ODF1: variants seen among roughly 807,000 people sequenced by gnomAD.
ODF1 encodes the protein outer dense fiber of sperm tails 1.
A neutral mutation model predicts 24.0 loss-of-function variants in ODF1; 10 were observed. The observed-to-expected ratio is 0.42, with a 90% CI of 0.26 to 0.71. The LOEUF is 0.71. ODF1 is among the 30% of genes least tolerant of loss of function. ODF1 has a pLI of 0.28. For synonymous variants in ODF1, 118 were observed against 121.3 expected (o/e 0.97, Z 0.18); for missense variants, 282 against 307.9 (o/e 0.92, Z 0.63).
intron 1 of ODF1, among the ~76,000 whole-genome samples, chr8:102,554,571 A>G (rs866320009): frequency 2.0e-5 from 3 of 152,196 alleles, no homozygotes; most frequent in African/African-American, 7.2e-5. Context: ...ACAATTTCTT[A>G]ATTGATCCCA....
chr8:102,557,237 C>A (rs1402281187), intron 1 of ODF1, among the ~76,000 whole-genome samples: 1 of 152,146 alleles, frequency 6.6e-6, no homozygotes, highest in African/African-American at 2.4e-5. Context: ...TCCCTTTGCG[C>A]AGAACCCCAT....
At chr8:102,552,173 A>C (rs1826049734) in intron 1 of ODF1, 126 bp downstream of exon 1, 1 of 651,144 alleles carries the variant, frequency 1.5e-6, no homozygotes, top group Non-Finnish European at 2.5e-6. Context: ...GACCCTGGTG[A>C]CTTAGGAAAG....
chr8:102,560,634 A>G lies in ODF1; in HGVS notation c.503A>G (p.Tyr168Cys). 6.2e-7 allele frequency: 1 copy of G among 1,614,256 alleles called. No homozygotes were observed. The highest frequency in any genetic ancestry group is 8.5e-7 in the Non-Finnish European group (1 of 1,180,044). The change falls in exon 2 of 2, where the codon TAC becomes TGC. Residue 168 changes from tyrosine to cysteine, a missense_variant. By Grantham distance (194) the Tyr-to-Cys change is radical. Coordinates refer to ENST00000285402, the MANE Select transcript of ODF1 (RefSeq NM_024410.4). ...TGCCTTGGATCGAAAAAGTACAGCT[A>G]CATGAACATCTGCAAAGAGTTCAGC... is the stretch of plus-strand genomic sequence containing the variant. Reference protein sequence around the residue: ...YDCLGSKKYSYMNICKEFSLP... With the variant: ...YDCLGSKKYSCMNICKEFSLP...
chr8:102,551,841 C>G lies in ODF1; in HGVS notation c.114C>G (p.Asp38Glu). The G allele has an allele frequency of 6.2e-7, 1 of 1,614,162 alleles. No homozygotes were observed. The highest frequency in any genetic ancestry group is 8.5e-7 in the Non-Finnish European group (1 of 1,180,040). Residue 38 changes from aspartate (D) to glutamate (E), a missense_variant, in exon 1 of 2, where the codon GAC (aspartate) becomes GAG (glutamate). Coordinates refer to ENST00000285402, the MANE Select transcript of ODF1 (RefSeq NM_024410.4). ...AATTTAGCACACGGTGCCTGTGCGA[C>G]TTGTATATGCACCCCTATTGCTGCT... ...IDEFSTRCLCDLYMHPYCCCD... is the reference protein window; with the variant it reads ...IDEFSTRCLCELYMHPYCCCD...
chr8:102,557,349 A>T (rs867084086), intron 1 of ODF1, among the ~76,000 whole-genome samples: 1 of 152,198 alleles, frequency 6.6e-6, no homozygotes, highest in African/African-American at 2.4e-5. Context: ...TGGCTTCTGC[A>T]GTTTCCCCTA....
chr8:102,552,054 TA>T lies in ODF1; in HGVS notation c.320+9del. ...AGAAGCGAGAGCTTGCCAAGTAAAA[TA>T]ACTTATTTTTAAATTTTTATAGTCG... On this transcript the variant is annotated splice_region_variant and intron_variant, in intron 1 of 1. Transcript: ENST00000285402. 5 of 1,563,418 alleles carry T rather than the reference TA, an allele frequency of 3.2e-6. No individual in the cohort carries two copies. The highest frequency in any genetic ancestry group is 4.3e-6 in the Non-Finnish European group (5 of 1,153,524).
At position 102,551,858 on chromosome 8, in the gene ODF1, A is replaced by G. The variant is rs1826045385; in HGVS notation, c.131A>G (p.Tyr44Cys). Residue 44 changes from tyrosine to cysteine, a missense_variant, in exon 1 of 2, where the codon TAT (tyrosine) becomes TGT (cysteine). Coordinates refer to ENST00000285402, the MANE Select transcript of ODF1 (RefSeq NM_024410.4). ...CTGTGCGACTTGTATATGCACCCCT[A>G]TTGCTGCTGTGACTTGCACCCATAT... ...RCLCDLYMHP[Y>C]CCCDLHPYPY... 6.2e-7 allele frequency: 1 copy of G among 1,614,098 alleles called. No homozygotes were observed. Among genetic ancestry groups the G allele is most frequent in the African/African-American group, 1.3e-5 (1 of 75,004 alleles).
intron 1 of ODF1, among the ~76,000 whole-genome samples, chr8:102,558,745 TACAC>T (rs58708188): frequency 2.6e-4 from 37 of 144,798 alleles, no homozygotes; most frequent in Middle Eastern, 3.4e-3. Flanking sequence ...TATATAGAAC[TACAC>T]ACACACACAC....
In ODF1 at chr8:102,560,769, G is replaced by GCCCGTGCAACCCCTGCAA. The variant is rs778351823; in HGVS notation, c.641_642insGTGCAACCCCTGCAACCC (p.Cys215_Ser216insAsnProCysAsnProCys). ...TGCACTTCTCCTTGCAGCCCCTGCA[G>GCCCGTGCAACCCCTGCAA]CCCCTGCAGCCCCTGCAACCCCTGC... On this transcript the variant is annotated inframe_insertion, in exon 2 of 2. Coordinates refer to ENST00000285402, the MANE Select transcript of ODF1 (RefSeq NM_024410.4). 24 of 1,104,008 alleles carry GCCCGTGCAACCCCTGCAA rather than the reference G, an allele frequency of 2.2e-5. No homozygotes were observed. The highest frequency in any genetic ancestry group is 3.1e-5 in the Non-Finnish European group (24 of 785,788). The allele number at this position is 1,104,008 out of a possible 1,614,324, so 68.4% of individuals were successfully genotyped here.
At chr8:102,556,072 T>C (rs1313278562) in intron 1 of ODF1, among the ~76,000 whole-genome samples, 1 of 152,206 alleles carries the variant, frequency 6.6e-6, no homozygotes, top group Non-Finnish European at 1.5e-5. Context: ...AGACATACAC[T>C]TTATTGAGTG....
chr8:102,551,701 C>T lies in ODF1; in HGVS notation c.-27C>T. On this transcript the variant is annotated 5_prime_UTR_variant, in exon 1 of 2. Coordinates refer to ENST00000285402, the MANE Select transcript of ODF1 (RefSeq NM_024410.4). ...CCCGGAGTGCCATTTCCCAAAGGTACTCACAGAACAATCAGGTGTGACCAT... is the reference window on the plus strand; with the variant it reads ...CCCGGAGTGCCATTTCCCAAAGGTATTCACAGAACAATCAGGTGTGACCAT... 6.5e-7 allele frequency: 1 copy of T among 1,527,600 alleles called. No individual in the cohort carries two copies. The highest frequency in any genetic ancestry group is 8.8e-7 in the Non-Finnish European group (1 of 1,131,798). The allele number at this position is 1,527,600 out of a possible 1,614,324, so 94.6% of individuals were successfully genotyped here. A position where few individuals can be genotyped will look rare whatever the true frequency, so the allele number is the denominator to read the frequency against.
chr8:102,554,081 C>G (rs892905168), intron 1 of ODF1, among the ~76,000 whole-genome samples: 2 of 152,204 alleles, frequency 1.3e-5, no homozygotes, highest in African/African-American at 4.8e-5. Flanking sequence ...TCCAGAAGGG[C>G]TTAGTGTCAC....
chr8:102,552,371 A>G (rs1224015686), intron 1 of ODF1, among the ~76,000 whole-genome samples: 1 of 152,158 alleles, frequency 6.6e-6, no homozygotes, highest in Non-Finnish European at 1.5e-5. Flanking sequence ...GCAGCAAACT[A>G]AACATTTTTC....
intron 1 of ODF1, among the ~76,000 whole-genome samples, chr8:102,556,884 G>T (rs962393337): frequency 2.6e-5 from 4 of 152,126 alleles, no homozygotes; most frequent in African/African-American, 7.2e-5. Context: ...CTAGAGGAAG[G>T]CCTGCCCCAC....
At chr8:102,558,925 C>T (rs1826145782) in intron 1 of ODF1, among the ~76,000 whole-genome samples, 1 of 151,234 alleles carries the variant, frequency 6.6e-6, no homozygotes, top group Admixed American at 6.6e-5. Context: ...AAAGAAGTAA[C>T]TGCATAAACA....
chr8:102,559,311 A>G (rs1204691450), intron 1 of ODF1, among the ~76,000 whole-genome samples: 2 of 151,598 alleles, frequency 1.3e-5, no homozygotes, highest in Non-Finnish European at 2.9e-5. Flanking sequence ...ACGGATCATA[A>G]CTGATCAATT....
At chr8:102,557,567 G>C (rs1291604503) in intron 1 of ODF1, among the ~76,000 whole-genome samples, 3 of 152,246 alleles carry the variant, frequency 2.0e-5, no homozygotes, top group Non-Finnish European at 4.4e-5. Flanking sequence ...TGGGACCCAG[G>C]TTACTTAGAG....
intron 1 of ODF1, among the ~76,000 whole-genome samples, chr8:102,556,425 T>C (rs1421400359): frequency 4.3e-5 from 3 of 70,186 alleles, no homozygotes; most frequent in African/African-American, 6.1e-5. Flanking sequence ...TTTTTTGTTG[T>C]TGTTGTTGTT....
At position 102,556,243 on chromosome 8, in the gene ODF1, G is replaced by A. The variant is rs557498455; in HGVS notation, c.320+4196G>A. ...CCAAGACTTGAAGCTGTGTGTGCCC[G>A]AGTCTGGAATCCGTGAGCTTAATCT... On this transcript the variant is annotated intron_variant, in intron 1 of 1. Coordinates refer to ENST00000285402, the MANE Select transcript of ODF1 (RefSeq NM_024410.4). Among the ~76,000 whole-genome samples the A allele has an allele frequency of 3.9e-5, 6 of 152,254 alleles. No individual in the cohort carries two copies. In the South Asian group the frequency reaches 6.2e-4, roughly 16 times the overall value.
Sources: allele counts gnomAD v4.1 joint callset (sites outside exome capture counted in the v4.1 genomes callset), GRCh38; gene constraint gnomAD v4.1.1; transcripts MANE v1.5; gene names NCBI Gene and HGNC (gene_info 2026-07-23, HGNC 2026-07-21).